The following NCAM1 variants were observed in gnomAD, a reference collection of about 807,000 sequenced individuals.
NCAM1 encodes the protein neural cell adhesion molecule 1.
In NCAM1, 14 loss-of-function variants were observed where a neutral mutation model predicts 109.8. That is an observed-to-expected ratio of 0.13 (90% CI 0.08 to 0.20). NCAM1 has a LOEUF of 0.20. Among genes scored for constraint, NCAM1 ranks in the 10% least tolerant of loss-of-function variants. The pLI is 1.00. For synonymous variants in NCAM1, 418 were observed against 442.9 expected (o/e 0.94, Z 0.70); for missense variants, 774 against 1,109.9 (o/e 0.70, Z 4.30).
rs1327045712 is a variant in NCAM1, at chr11:113,274,633, G to T, written c.2457-634G>T. Among the ~76,000 whole-genome samples the T allele has an allele frequency of 6.6e-6, 1 of 152,194 alleles. No individual in the cohort carries two copies. The highest frequency in any genetic ancestry group is 1.5e-5 in the Non-Finnish European group (1 of 68,036). ...CTCTGATAGCCCTGCCCACTCAGCT[G>T]CCCTCAACTCTCGCATAGCCACCAG... On this transcript the variant is annotated intron_variant, in intron 19 of 19. Coordinates refer to ENST00000316851, the MANE Select transcript of NCAM1 (RefSeq NM_181351.5). This position sits in a 1 kb window ranked among gnomAD's most constrained non-coding sequence, Gnocchi z 4.1.
chr11:113,081,904 C>T (rs782391221), intron 1 of NCAM1, among the ~76,000 whole-genome samples: 3 of 152,166 alleles, frequency 2.0e-5, no homozygotes, highest in East Asian at 3.8e-4. Flanking sequence ...ACTCCAATAA[C>T]GCCTTTACTA....
chr11:113,012,001 T>TTCCTTCCC (rs1206054134), intron 1 of NCAM1, among the ~76,000 whole-genome samples: 8 of 148,468 alleles, frequency 5.4e-5, no homozygotes, highest in African/African-American at 1.8e-4. Flanking sequence ...CCTTCCTTCC[T>TTCCTTCCC]TCCTTCCTTC....
At chr11:113,098,755 G>C (rs79605566) in intron 1 of NCAM1, among the ~76,000 whole-genome samples, 2,015 of 152,260 alleles carry the variant, frequency 0.013, 31 homozygotes, top group African/African-American at 0.045. Flanking sequence ...GTCCTGAGAT[G>C]AGGGGAGCAC....
chr11:113,216,381 T>G (rs1158338355), intron 8 of NCAM1, among the ~76,000 whole-genome samples: 1 of 151,996 alleles, frequency 6.6e-6, no homozygotes, highest in Non-Finnish European at 1.5e-5. Context: ...CTCGATCTCC[T>G]GACCTCGTGA....
chr11:112,994,800 T>G (rs1217088913), intron 1 of NCAM1, among the ~76,000 whole-genome samples: 3 of 152,254 alleles, frequency 2.0e-5, no homozygotes, highest in African/African-American at 7.2e-5. Context: ...ACCCTGCTTC[T>G]TTAGGCACTA....
At chr11:113,181,020 C>A (rs1422288150) in intron 1 of NCAM1, among the ~76,000 whole-genome samples, 1 of 152,210 alleles carries the variant, frequency 6.6e-6, no homozygotes, top group Non-Finnish European at 1.5e-5. Flanking sequence ...GGTACAGTAT[C>A]AAGCAAGAAT....
intron 1 of NCAM1, among the ~76,000 whole-genome samples, chr11:113,064,116 A>G (rs928072528): frequency 3.9e-5 from 6 of 152,228 alleles, no homozygotes; most frequent in African/African-American, 1.4e-4. Context: ...GGGAAGTCTG[A>G]CTTCCTTCCA....
At chr11:113,166,989 C>A (rs1217700916) in intron 1 of NCAM1, among the ~76,000 whole-genome samples, 10 of 152,212 alleles carry the variant, frequency 6.6e-5, no homozygotes, top group Non-Finnish European at 1.5e-5. Flanking sequence ...AATTTGATTT[C>A]TGGCTCTTTG....
chr11:112,975,101 T>A (rs180764362), intron 1 of NCAM1, among the ~76,000 whole-genome samples: 1 of 152,136 alleles, frequency 6.6e-6, no homozygotes, highest in Admixed American at 6.6e-5. Context: ...AGAGGAATGT[T>A]CAGACAACTT....
chr11:113,114,161 G>A (rs1555094342), intron 1 of NCAM1, among the ~76,000 whole-genome samples: 1 of 152,166 alleles, frequency 6.6e-6, no homozygotes, highest in Non-Finnish European at 1.5e-5. Context: ...TGGACTCTCA[G>A]CCCAGTTTGG....
chr11:113,257,827 C>T (rs1412570535), intron 16 of NCAM1, among the ~76,000 whole-genome samples: 1 of 152,136 alleles, frequency 6.6e-6, no homozygotes. Flanking sequence ...GGAAAGATAC[C>T]GGAATTGCTT....
intron 8 of NCAM1, among the ~76,000 whole-genome samples, chr11:113,215,842 A>G (rs1555114307): frequency 6.6e-6 from 1 of 152,234 alleles, no homozygotes; most frequent in Non-Finnish European, 1.5e-5. Flanking sequence ...CTAAGATTTC[A>G]GCCCCACTCA....
chr11:113,177,620 A>G (rs186513541), intron 1 of NCAM1, among the ~76,000 whole-genome samples: 10 of 152,088 alleles, frequency 6.6e-5, no homozygotes, highest in African/African-American at 2.4e-4. Context: ...TTTAGTAGAG[A>G]TGGGGTTTCA....
rs559122711 is a variant in NCAM1, at chr11:113,089,158, C to T, written c.53-113221C>T. On this transcript the variant is annotated intron_variant, in intron 1 of 19. Coordinates refer to ENST00000316851, the MANE Select transcript of NCAM1 (RefSeq NM_181351.5). ...TGAAACCCTGTCTCTACTAAAAATA[C>T]AAAAATTAGCTGGGTGTGGTGGCTA... is the stretch of plus-strand genomic sequence containing the variant. 5.3e-5 allele frequency among the ~76,000 whole-genome samples: 8 copies of T among 152,124 alleles called. No homozygotes were observed. The South Asian group carries it at 1.5e-3, about 28-fold the overall frequency.
intron 1 of NCAM1, among the ~76,000 whole-genome samples, chr11:112,972,900 C>T (rs1371507414): frequency 1.3e-5 from 2 of 152,060 alleles, no homozygotes; most frequent in South Asian, 4.1e-4. Context: ...CATCATGAAG[C>T]TTCCTGGGCG....
At chr11:113,134,946 C>T (rs1320444423) in intron 1 of NCAM1, among the ~76,000 whole-genome samples, 1 of 152,110 alleles carries the variant, frequency 6.6e-6, no homozygotes, top group Non-Finnish European at 1.5e-5. Flanking sequence ...TTTCCTCCCA[C>T]TCATCACTGG....
chr11:113,177,205 A>G lies in NCAM1; in HGVS notation c.53-25174A>G, dbSNP rs77936512. On this transcript the variant is annotated intron_variant, in intron 1 of 19. Transcript: ENST00000316851. ...AATGTTCTCAGTGCTGGTGTTGACC[A>G]CACTTATGCACAGAGTAGATCCTGG... Among the ~76,000 whole-genome samples, 20 of 152,274 alleles carry G rather than the reference A, an allele frequency of 1.3e-4. No homozygotes were observed. In the East Asian group the frequency reaches 2.1e-3, roughly 16 times the overall value.
intron 1 of NCAM1, among the ~76,000 whole-genome samples, chr11:113,036,582 T>TC: frequency 6.6e-6 from 1 of 152,162 alleles, no homozygotes; most frequent in East Asian, 1.9e-4. Context: ...TACTCCCAGG[T>TC]CCCCCATCCT....
At chr11:113,064,102 CT>C (rs1454553648) in intron 1 of NCAM1, among the ~76,000 whole-genome samples, 1 of 152,208 alleles carries the variant, frequency 6.6e-6, no homozygotes, top group Non-Finnish European at 1.5e-5. Context: ...AAATTATTTT[CT>C]ATGGGAAGTC....
Sources: gnomAD v4.1 joint callset for allele counts (sites outside exome capture counted in the v4.1 genomes callset) on GRCh38, gnomAD v4.1.1 for gene constraint, Gnocchi (gnomAD v3.1) non-coding constraint, MANE v1.5 for transcripts, NCBI Gene and HGNC (gene_info 2026-07-23, HGNC 2026-07-21) for gene names.